Variants in SGCZ observed in about 807,000 individuals in gnomAD.
SGCZ encodes the protein sarcoglycan zeta.
In SGCZ, 40 loss-of-function variants were observed where a neutral mutation model predicts 41.3. That is an observed-to-expected ratio of 0.97 (90% CI 0.75 to 1.26). The LOEUF is 1.26. SGCZ is among the 50% of genes most tolerant of loss of function. The pLI, the probability that SGCZ is intolerant of heterozygous loss-of-function variation, is 0.00. For synonymous variants in SGCZ, 206 were observed against 137.5 expected (o/e 1.50, Z -3.49); for missense variants, 552 against 369.8 (o/e 1.49, Z -4.04).
chr8:14,449,679 C>G (rs935370534), intron 2 of SGCZ, among the ~76,000 whole-genome samples: 1 of 152,116 alleles, frequency 6.6e-6, no homozygotes, highest in African/African-American at 2.4e-5. Context: ...GGCCTTTCAC[C>G]CTCAAAGATA....
rs1352484135 is a variant in SGCZ at position 14,089,361 on chromosome 8, T to C, written c.*1082A>G. Among the ~76,000 whole-genome samples, 1 of 152,022 alleles carries C rather than the reference T, an allele frequency of 6.6e-6. No homozygotes were observed. Among genetic ancestry groups the C allele is most frequent in the African/African-American group, 2.4e-5 (1 of 41,432 alleles). ...CAAGAAATTTTAGTTAGCTTCTGACTTCTTTAAATCTTAACCTCCAATAAA... is the reference window on the plus strand; with the variant it reads ...CAAGAAATTTTAGTTAGCTTCTGACCTCTTTAAATCTTAACCTCCAATAAA... On this transcript the variant is annotated 3_prime_UTR_variant, in exon 8 of 8. Transcript: ENST00000382080.
intron 6 of SGCZ, among the ~76,000 whole-genome samples, chr8:14,105,213 C>T (rs1802165654): frequency 6.6e-6 from 1 of 151,924 alleles, no homozygotes. Flanking sequence ...TTAAAATGCA[C>T]ATGGAAACTA....
intron 1 of SGCZ, among the ~76,000 whole-genome samples, chr8:15,157,474 A>T (rs951769210): frequency 2.0e-5 from 3 of 150,654 alleles, no homozygotes; most frequent in Admixed American, 1.3e-4. Flanking sequence ...CAAAGAAAAA[A>T]ATAAAAAGAA....
intron 1 of SGCZ, among the ~76,000 whole-genome samples, chr8:14,877,974 T>C (rs1447773190): frequency 6.6e-6 from 1 of 152,018 alleles, no homozygotes; most frequent in Non-Finnish European, 1.5e-5. Context: ...TGTACTGAGA[T>C]GAATATCCTT....
chr8:14,982,792 C>T (rs1032788092), intron 1 of SGCZ, among the ~76,000 whole-genome samples: 5 of 152,176 alleles, frequency 3.3e-5, no homozygotes, highest in South Asian at 2.1e-4. Flanking sequence ...GGGTGGGTGA[C>T]GATAATGAAT....
intron 2 of SGCZ, among the ~76,000 whole-genome samples, chr8:14,548,441 A>T (rs927074740): frequency 5.3e-5 from 8 of 152,196 alleles, no homozygotes; most frequent in African/African-American, 1.7e-4. Flanking sequence ...ATGTTCTTAA[A>T]TTGTTGCATA....
At chr8:14,228,876 G>C (rs1479853457) in intron 4 of SGCZ, among the ~76,000 whole-genome samples, 1 of 152,116 alleles carries the variant, frequency 6.6e-6, no homozygotes, top group Non-Finnish European at 1.5e-5. Flanking sequence ...TTGACATATA[G>C]GCATGAATGA....
At chr8:14,425,520 C>A (rs139917138) in intron 2 of SGCZ, among the ~76,000 whole-genome samples, 4,929 of 151,918 alleles carry the variant, frequency 0.032, 134 homozygotes, top group Non-Finnish European at 0.045. Flanking sequence ...ACTCGGGAGG[C>A]TGAGGCAGGA....
intron 1 of SGCZ, among the ~76,000 whole-genome samples, chr8:15,110,473 C>A (rs1807005066): frequency 6.6e-6 from 1 of 152,176 alleles, no homozygotes; most frequent in Non-Finnish European, 1.5e-5. Flanking sequence ...AGCAAGATAG[C>A]CAGAGAGCCT....
intron 2 of SGCZ, among the ~76,000 whole-genome samples, chr8:14,328,893 C>T (rs182534837): frequency 7.9e-5 from 12 of 152,330 alleles, no homozygotes; most frequent in Admixed American, 4.6e-4. Context: ...CGACCTCTTG[C>T]TCTTCTGCCT....
chr8:14,591,968 C>T (rs1001537074), intron 1 of SGCZ, among the ~76,000 whole-genome samples: 1 of 152,028 alleles, frequency 6.6e-6, no homozygotes, highest in Non-Finnish European at 1.5e-5. Context: ...TCCTATGATG[C>T]CAGCAATAGT....
intron 3 of SGCZ, among the ~76,000 whole-genome samples, chr8:14,313,293 T>C (rs1182462830): frequency 2.6e-5 from 4 of 152,156 alleles, no homozygotes; most frequent in Admixed American, 2.6e-4. Flanking sequence ...TTTTGTCTGC[T>C]ACCCCAGGGC....
chr8:15,223,701 C>G (rs1378185231), intron 1 of SGCZ, among the ~76,000 whole-genome samples: 1 of 152,106 alleles, frequency 6.6e-6, no homozygotes, highest in Non-Finnish European at 1.5e-5. Flanking sequence ...AAAACATAGA[C>G]AATCCATAAT....
chr8:14,209,131 G>C (rs1043958018), intron 4 of SGCZ, among the ~76,000 whole-genome samples: 2 of 152,208 alleles, frequency 1.3e-5, no homozygotes, highest in East Asian at 3.8e-4. Flanking sequence ...CAGCCACGTG[G>C]AAAGCCCATT....
chr8:14,799,982 T>A (rs1364355846), intron 1 of SGCZ, among the ~76,000 whole-genome samples: 1 of 152,196 alleles, frequency 6.6e-6, no homozygotes, highest in East Asian at 1.9e-4. Flanking sequence ...TTAAAACAAT[T>A]CATAATGTTT....
chr8:14,536,984 T>C (rs1803316414), intron 2 of SGCZ, among the ~76,000 whole-genome samples: 1 of 151,960 alleles, frequency 6.6e-6, no homozygotes, highest in South Asian at 2.1e-4. Context: ...ATACCTTCTT[T>C]AGAACTACAA....
At chr8:14,120,392 T>C (rs1190889009) in intron 5 of SGCZ, among the ~76,000 whole-genome samples, 1 of 152,176 alleles carries the variant, frequency 6.6e-6, no homozygotes, top group Non-Finnish European at 1.5e-5. Flanking sequence ...AGGTACAACA[T>C]AACCTCTATC....
At chr8:14,649,815 C>T (rs1807339419) in intron 1 of SGCZ, among the ~76,000 whole-genome samples, 1 of 152,004 alleles carries the variant, frequency 6.6e-6, no homozygotes, top group Non-Finnish European at 1.5e-5. Flanking sequence ...TGTACTTCCA[C>T]CCAAGGCAGG....
At chr8:14,190,217 T>G (rs1805051754) in intron 4 of SGCZ, among the ~76,000 whole-genome samples, 1 of 151,890 alleles carries the variant, frequency 6.6e-6, no homozygotes, top group African/African-American at 2.4e-5. Context: ...TTTCACCGTG[T>G]TAGCCAGGAT....
Sources: allele counts gnomAD v4.1 joint callset (sites outside exome capture counted in the v4.1 genomes callset), GRCh38; gene constraint gnomAD v4.1.1; transcripts MANE v1.5; gene names NCBI Gene and HGNC (gene_info 2026-07-23, HGNC 2026-07-21).